The following ARHGAP6 variants were observed in gnomAD, a reference collection of about 807,000 sequenced individuals.
ARHGAP6 encodes Rho GTPase activating protein 6.
In ARHGAP6, 16 loss-of-function variants were observed where a neutral mutation model predicts 55.7. The ratio of observed to expected loss-of-function variants is 0.29; its 90% CI spans 0.19 to 0.44. ARHGAP6 has a LOEUF of 0.44. ARHGAP6 is among the 20% of genes least tolerant of loss of function. The pLI, the probability that ARHGAP6 is intolerant of heterozygous loss-of-function variation, is 1.00. For missense variants in ARHGAP6, 698 were observed against 808.9 expected (o/e 0.86, Z 1.66); for synonymous variants, 382 against 360.9 (o/e 1.06, Z -0.66).
intron 1 of ARHGAP6, among the ~76,000 whole-genome samples, chrX:11,590,862 A>AAAAGAAAAGAAAAGAAAAGAAAAGAAGG (rs1569410930): frequency 4.9e-5 from 1 of 20,222 alleles, no homozygotes; most frequent in African/African-American, 3.6e-4. Context: ...AAAAGAAAAG[A>AAAAGAAAAGAAAAGAAAAGAAAAGAAGG]AAAGAAGGAA....
chrX:11,179,271 C>T, intron 7 of ARHGAP6, 31 bp downstream of exon 7: 2 of 1,157,096 alleles, frequency 1.7e-6, no homozygotes, highest in Non-Finnish European at 2.3e-6. Context: ...TATTCCAGGG[C>T]CACTTTCCCA....
At chrX:11,368,261 T>C (rs1256914958) in intron 1 of ARHGAP6, among the ~76,000 whole-genome samples, 3 of 112,340 alleles carry the variant, frequency 2.7e-5, no homozygotes, top group African/African-American at 9.7e-5. Context: ...AAGGGTAAGG[T>C]TGCTGTTTAT....
In ARHGAP6 at chrX:11,332,708, T is replaced by A. The variant is rs907433657; in HGVS notation, c.589-78001A>T. Among the ~76,000 whole-genome samples, 4 of 112,679 alleles carry A rather than the reference T, an allele frequency of 3.5e-5. No homozygotes were observed. In the East Asian group the frequency reaches 1.1e-3, roughly 31 times the overall value. The stretch of plus-strand genomic sequence containing the variant: ...CCCCAGTTGTAACATCTTTCATGAC[T>A]ATAGTATAATGTCACAGCCAGGAAA... On this transcript the variant is annotated intron_variant, in intron 1 of 12. Coordinates refer to ENST00000337414, the MANE Select transcript of ARHGAP6 (RefSeq NM_013427.3).
intron 1 of ARHGAP6, among the ~76,000 whole-genome samples, chrX:11,556,819 CTATGT>C (rs1307506245): frequency 9.0e-6 from 1 of 111,675 alleles, no homozygotes; most frequent in Non-Finnish European, 1.9e-5. Flanking sequence ...TCATTCCTTC[CTATGT>C]TATATTTTCT....
intron 1 of ARHGAP6, among the ~76,000 whole-genome samples, chrX:11,360,018 C>T (rs1356312631): frequency 9.0e-6 from 1 of 111,573 alleles, no homozygotes; most frequent in Admixed American, 9.5e-5. Context: ...TAATCAATAG[C>T]TTACCAACCA....
chrX:11,296,707 C>G, intron 1 of ARHGAP6: 2 of 1,064,060 alleles, frequency 1.9e-6, no homozygotes, highest in Non-Finnish European at 1.3e-6. Flanking sequence ...TTAATCTCTT[C>G]CTCTCTCTTC....
At chrX:11,246,955 A>G (rs775223580) in intron 2 of ARHGAP6, among the ~76,000 whole-genome samples, 1 of 112,250 alleles carries the variant, frequency 8.9e-6, no homozygotes, top group East Asian at 2.8e-4. Context: ...TTGTTATATA[A>G]ACACCCAATC....
At chrX:11,200,698 C>G (rs2046607358) in intron 2 of ARHGAP6, among the ~76,000 whole-genome samples, 1 of 112,261 alleles carries the variant, frequency 8.9e-6, no homozygotes, top group African/African-American at 3.2e-5. Context: ...AAGTGAATAG[C>G]CCAGCATGGG....
At chrX:11,265,716 G>A (rs1232924950) in intron 1 of ARHGAP6, 12 of 890,459 alleles carry the variant, frequency 1.3e-5, no homozygotes, top group African/African-American at 2.2e-5. Context: ...CGTCTTTGCT[G>A]TCCTCTCTAA....
intron 1 of ARHGAP6, among the ~76,000 whole-genome samples, chrX:11,645,802 A>C (rs2052520277): frequency 8.9e-6 from 1 of 111,784 alleles, no homozygotes; most frequent in African/African-American, 3.2e-5. Flanking sequence ...GGGGCTGATG[A>C]TGGTAGGAAG....
At chrX:11,394,028 G>C (rs1167840525) in intron 1 of ARHGAP6, among the ~76,000 whole-genome samples, 1 of 111,296 alleles carries the variant, frequency 9.0e-6, no homozygotes, top group Non-Finnish European at 1.9e-5. Flanking sequence ...AGTTGATCCA[G>C]AAGGTGCCAA....
At chrX:11,396,475 T>A (rs1415053350) in intron 1 of ARHGAP6, among the ~76,000 whole-genome samples, 3 of 111,927 alleles carry the variant, frequency 2.7e-5, no homozygotes, top group African/African-American at 9.7e-5. Flanking sequence ...GTTAAAGTTA[T>A]CTTTTTTAAA....
At chrX:11,627,208 C>T (rs749759748) in intron 1 of ARHGAP6, among the ~76,000 whole-genome samples, 2 of 111,327 alleles carry the variant, frequency 1.8e-5, no homozygotes, top group Non-Finnish European at 3.8e-5. Flanking sequence ...CATGAAGTCT[C>T]AATATCATAT....
At chrX:11,168,563 C>T (rs1015958171) in intron 9 of ARHGAP6, among the ~76,000 whole-genome samples, 5 of 111,474 alleles carry the variant, frequency 4.5e-5, no homozygotes, top group African/African-American at 1.3e-4. Flanking sequence ...TAATGCAAAG[C>T]ACTTGATAAG....
intron 1 of ARHGAP6, among the ~76,000 whole-genome samples, chrX:11,372,469 A>C (rs1014539963): frequency 6.3e-5 from 7 of 111,282 alleles, no homozygotes; most frequent in Non-Finnish European, 1.3e-4. Context: ...TGAATTGTAC[A>C]GAATGGTTAA....
chrX:11,186,102 T>G, intron 5 of ARHGAP6, 134 bp downstream of exon 5: 1 of 603,691 alleles, frequency 1.7e-6, no homozygotes, highest in Non-Finnish European at 2.6e-6. Flanking sequence ...CACTCACATC[T>G]GTACACTTTC....
At chrX:11,275,285 A>T (rs1473945172) in intron 1 of ARHGAP6, among the ~76,000 whole-genome samples, 1 of 110,344 alleles carries the variant, frequency 9.1e-6, no homozygotes, top group Non-Finnish European at 1.9e-5. Context: ...GATAATACAC[A>T]GTGGGTAAAG....
In ARHGAP6 at chrX:11,278,515, T is replaced by G. The variant is rs1391006002; in HGVS notation, c.589-23808A>C. ...ACCTTGATTTTTGTCCAGTGCAACC[T>G]GTGTCAGATTTCTAACCTACAGCAC... On this transcript the variant is annotated intron_variant, in intron 1 of 12. Transcript: ENST00000337414. 3.6e-5 allele frequency among the ~76,000 whole-genome samples: 4 copies of G among 112,066 alleles called. No homozygotes were observed. In the Admixed American group the frequency reaches 3.8e-4, roughly 11 times the overall value.
chrX:11,567,426 C>T (rs979986091), intron 1 of ARHGAP6, among the ~76,000 whole-genome samples: 26 of 107,549 alleles, frequency 2.4e-4, no homozygotes, highest in Admixed American at 9.9e-4. Flanking sequence ...TGGTGTCAGG[C>T]GCCTGTAGTC....
Sources: allele counts gnomAD v4.1 joint callset (sites outside exome capture counted in the v4.1 genomes callset), GRCh38; gene constraint gnomAD v4.1.1; transcripts MANE v1.5; gene names NCBI Gene and HGNC (gene_info 2026-07-23, HGNC 2026-07-21).